The following PTAFR variants were observed in gnomAD, a reference collection of about 807,000 sequenced individuals.
PTAFR encodes platelet-activating factor receptor.
A neutral mutation model predicts 14.7 loss-of-function variants in PTAFR; 8 were observed. The ratio of observed to expected loss-of-function variants is 0.54; its 90% confidence interval spans 0.32 to 0.98. The LOEUF (loss-of-function observed/expected upper bound fraction) is 0.98. Among genes scored for constraint, PTAFR ranks in the 50% least tolerant of loss-of-function variants. The probability of loss-of-function intolerance (pLI) is 0.04; values close to 1 mark genes in which losing one functional copy is unlikely to be tolerated. For synonymous variants in PTAFR, 156 were observed against 176.5 expected (o/e 0.88, Z 0.92); for missense variants, 337 against 451.2 (o/e 0.75, Z 2.29).
intron 1 of PTAFR, among the ~76,000 whole-genome samples, chr1:28,169,760 G>C (rs939823770): frequency 5.3e-5 from 8 of 152,200 alleles, no homozygotes; most frequent in Admixed American, 3.3e-4. Context: ...AGCACTTTGG[G>C]AGGCCAAGGC....
At position 28,186,280 on chromosome 1, in the gene PTAFR, C is replaced by T. The variant is rs146965808; in HGVS notation, c.-39+7442G>A. Among the ~76,000 whole-genome samples the T allele has an allele frequency of 2.1e-4, 32 of 151,704 alleles. 1 individual carries two copies. Among genetic ancestry groups the T allele is most frequent in the Middle Eastern group, 3.4e-3 (1 of 294 alleles). The stretch of plus-strand genomic sequence containing the variant: ...GATTACAGGCGTGAGCCACTGTGCC[C>T]GGCCCCAAAATGTGCAAGATCTTCA... On this transcript the variant is annotated intron_variant, in intron 1 of 1. Coordinates refer to the PTAFR transcript ENST00000305392.
At chr1:28,183,648 ATAGG>A in intron 1 of PTAFR, among the ~76,000 whole-genome samples, 1 of 152,208 alleles carries the variant, frequency 6.6e-6, no homozygotes. Flanking sequence ...TGTGTGTGTA[ATAGG>A]TAGGAATTTT....
intron 1 of PTAFR, among the ~76,000 whole-genome samples, chr1:28,174,523 C>T (rs1482359063): frequency 6.6e-6 from 1 of 152,298 alleles, no homozygotes; most frequent in East Asian, 1.9e-4. Context: ...ACTGTGAATT[C>T]CTTACTCCTT....
intron 1 of PTAFR, among the ~76,000 whole-genome samples, chr1:28,173,105 C>CAAAAA (rs68034962): frequency 4.0e-5 from 2 of 50,096 alleles, no homozygotes; most frequent in African/African-American, 6.4e-5. Context: ...CCCGTTTCCA[C>CAAAAA]AAAAAAAAAA....
chr1:28,184,561 C>T (rs1002591496), intron 1 of PTAFR, among the ~76,000 whole-genome samples: 5 of 152,316 alleles, frequency 3.3e-5, no homozygotes, highest in East Asian at 1.9e-4. Flanking sequence ...TCCTACATCT[C>T]GCTCCCTCCA....
At chr1:28,184,935 C>T (rs1371173440) in intron 1 of PTAFR, among the ~76,000 whole-genome samples, 1 of 152,162 alleles carries the variant, frequency 6.6e-6, no homozygotes, top group African/African-American at 2.4e-5. Context: ...CCACCATGCC[C>T]GGCCTCACCT....
intron 1 of PTAFR, among the ~76,000 whole-genome samples, chr1:28,165,167 G>A (rs568866206): frequency 1.2e-4 from 18 of 152,252 alleles, no homozygotes; most frequent in African/African-American, 4.3e-4. Context: ...CACTCCGGGA[G>A]GCTGAGGCAG....
chr1:28,167,950 C>CTTTTT (rs33965504), intron 1 of PTAFR, among the ~76,000 whole-genome samples: 2 of 38,150 alleles, frequency 5.2e-5, no homozygotes, highest in Non-Finnish European at 8.6e-5. Context: ...AAAACCAGAT[C>CTTTTT]TTTTTTTTTT....
chr1:28,154,293 C>T (rs531080800), intron 1 of PTAFR, among the ~76,000 whole-genome samples: 5 of 152,226 alleles, frequency 3.3e-5, no homozygotes, highest in Admixed American at 1.3e-4. Context: ...CAAGGTCACA[C>T]GGCTATTAAG....
chr1:28,186,699 C>T (rs1244350496), intron 1 of PTAFR, among the ~76,000 whole-genome samples: 4 of 152,026 alleles, frequency 2.6e-5, no homozygotes, highest in Non-Finnish European at 4.4e-5. Context: ...CTGAGGCAGG[C>T]GGGTCGCCTG....
intron 1 of PTAFR, among the ~76,000 whole-genome samples, chr1:28,162,431 C>G (rs1646334823): frequency 6.6e-6 from 1 of 152,180 alleles, no homozygotes; most frequent in African/African-American, 2.4e-5. Context: ...TCTACAAACT[C>G]AGGACTCAAA....
chr1:28,170,826 C>G (rs1646445369), intron 1 of PTAFR, among the ~76,000 whole-genome samples: 1 of 151,830 alleles, frequency 6.6e-6, no homozygotes, highest in African/African-American at 2.4e-5. Context: ...CGGTAAAACC[C>G]TGTCTCTACT....
chr1:28,174,146 G>T (rs904014552), intron 1 of PTAFR, among the ~76,000 whole-genome samples: 1 of 152,158 alleles, frequency 6.6e-6, no homozygotes, highest in African/African-American at 2.4e-5. Context: ...CCAAGAGGGG[G>T]TGGTCAGAGA....
chr1:28,187,281 T>C (rs1646614681), intron 1 of PTAFR, among the ~76,000 whole-genome samples: 2 of 152,074 alleles, frequency 1.3e-5, no homozygotes, highest in African/African-American at 4.8e-5. Context: ...ACTTGACACA[T>C]ATGACAGAGT....
chr1:28,171,698 C>T (rs1030787680), intron 1 of PTAFR, among the ~76,000 whole-genome samples: 2 of 151,956 alleles, frequency 1.3e-5, no homozygotes, highest in Admixed American at 6.6e-5. Flanking sequence ...GTCTAGGGCA[C>T]GAGGGATGAG....
chr1:28,172,291 C>T (rs1646461591), intron 1 of PTAFR, among the ~76,000 whole-genome samples: 1 of 152,198 alleles, frequency 6.6e-6, no homozygotes, highest in Non-Finnish European at 1.5e-5. Flanking sequence ...GCTGGGATTA[C>T]AGGCATGAGC....
chr1:28,180,781 T>C (rs1414788318), upstream of PTAFR, among the ~76,000 whole-genome samples: 1 of 151,790 alleles, frequency 6.6e-6, no homozygotes, highest in African/African-American at 2.4e-5. Flanking sequence ...TGTCCATATA[T>C]GTGGAATTTG....
chr1:28,190,153 G>C (rs1188718872), intron 1 of PTAFR, among the ~76,000 whole-genome samples: 1 of 151,700 alleles, frequency 6.6e-6, no homozygotes, highest in Non-Finnish European at 1.5e-5. Context: ...TGTATTTTTA[G>C]TAGAGACGGG....
intron 1 of PTAFR, among the ~76,000 whole-genome samples, chr1:28,172,737 T>C (rs946411003): frequency 1.3e-5 from 2 of 152,174 alleles, no homozygotes; most frequent in African/African-American, 2.4e-5. Flanking sequence ...AGAGAAAGCA[T>C]AGGAACCGAA....
Sources: allele counts gnomAD v4.1 joint callset (sites outside exome capture counted in the v4.1 genomes callset), GRCh38; gene constraint gnomAD v4.1.1; transcripts MANE v1.5; gene names NCBI Gene and HGNC (gene_info 2026-07-23, HGNC 2026-07-21).